SHROOM3: variants seen among roughly 807,000 people sequenced by gnomAD.
SHROOM3 encodes the protein protein Shroom3.
In SHROOM3, 47 loss-of-function variants were observed where a neutral mutation model predicts 138.6. That is an observed-to-expected ratio of 0.34 (90% confidence interval 0.27 to 0.43). SHROOM3 has a LOEUF of 0.43. Among genes scored for constraint, SHROOM3 ranks in the 20% least tolerant of loss-of-function variants. The pLI is 1.00. For missense variants in SHROOM3, 2,491 were observed against 2,596.5 expected (o/e 0.96, Z 0.88); for synonymous variants, 1,062 against 1,063.3 (o/e 1.00, Z 0.02).
rs552658858 is a variant in SHROOM3, at chr4:76,703,489, A to G, written c.324-6667A>G. 5.3e-5 allele frequency among the ~76,000 whole-genome samples: 8 copies of G among 152,302 alleles called. No individual in the cohort carries two copies. The South Asian group carries it at 1.5e-3, about 28-fold the overall frequency. On this transcript the variant is annotated intron_variant, in intron 2 of 10. Transcript: ENST00000296043. ...AGTTATCAGAAAATGAAGAGCACCTATGTTTGGCTAAGAACAGAAATCTGT... is the reference window on the plus strand; with the variant it reads ...AGTTATCAGAAAATGAAGAGCACCTGTGTTTGGCTAAGAACAGAAATCTGT...
chr4:76,700,063 A>G (rs1577981921), intron 2 of SHROOM3, among the ~76,000 whole-genome samples: 1 of 152,210 alleles, frequency 6.6e-6, no homozygotes, highest in South Asian at 2.1e-4. Flanking sequence ...GCATATTTTT[A>G]TTAACCAAAT....
At chr4:76,517,846 C>A (rs950610429) in intron 1 of SHROOM3, among the ~76,000 whole-genome samples, 14 of 152,242 alleles carry the variant, frequency 9.2e-5, no homozygotes, top group African/African-American at 3.1e-4. Flanking sequence ...AGCTTCCCAG[C>A]CATTCCCCGT....
chr4:76,637,677 A>T (rs1735537727), intron 2 of SHROOM3: 1 of 152,218 alleles, frequency 6.6e-6, no homozygotes, highest in South Asian at 2.1e-4. Flanking sequence ...TTCTACCCAG[A>T]ATGGCAACTC....
At chr4:76,763,901 TACA>T (rs1490093146) in intron 9 of SHROOM3, among the ~76,000 whole-genome samples, 1 of 152,196 alleles carries the variant, frequency 6.6e-6, no homozygotes, top group Non-Finnish European at 1.5e-5. Context: ...CTTCCTGAAA[TACA>T]ACAAGCTTTT....
intron 2 of SHROOM3, among the ~76,000 whole-genome samples, chr4:76,579,194 C>T (rs111680042): frequency 4.6e-5 from 7 of 151,876 alleles, no homozygotes; most frequent in Non-Finnish European, 5.9e-5. Flanking sequence ...ACAGGCTGGG[C>T]GTGGTGGCTC....
intron 2 of SHROOM3, among the ~76,000 whole-genome samples, chr4:76,597,864 C>T (rs1250858269): frequency 6.6e-6 from 1 of 152,140 alleles, no homozygotes; most frequent in Admixed American, 6.5e-5. Flanking sequence ...AAGGCTAAGA[C>T]AGCAAGAGTC....
chr4:76,437,139 A>G (rs1730579364), intron 1 of SHROOM3, among the ~76,000 whole-genome samples: 1 of 152,212 alleles, frequency 6.6e-6, no homozygotes, highest in African/African-American at 2.4e-5. Context: ...TTTTCAAATT[A>G]CTGAAGTAAT....
intron 3 of SHROOM3, among the ~76,000 whole-genome samples, chr4:76,722,672 C>A (rs908256048): frequency 6.6e-6 from 1 of 151,470 alleles, no homozygotes; most frequent in Non-Finnish European, 1.5e-5. Flanking sequence ...AAAAAAAAAA[C>A]CAGTGCTTTA....
intron 2 of SHROOM3, among the ~76,000 whole-genome samples, chr4:76,636,259 A>C (rs562042981): frequency 6.6e-6 from 1 of 152,344 alleles, no homozygotes; most frequent in African/African-American, 2.4e-5. Flanking sequence ...AGAAACACCC[A>C]GCTATTTTAA....
At chr4:76,467,637 G>C (rs1478567753) in intron 1 of SHROOM3, among the ~76,000 whole-genome samples, 6 of 152,180 alleles carry the variant, frequency 3.9e-5, no homozygotes, top group Admixed American at 3.9e-4. Context: ...ACCAGAGTCT[G>C]AGAGCCCCTT....
chr4:76,489,844 T>A (rs1319215661), intron 1 of SHROOM3, among the ~76,000 whole-genome samples: 1 of 152,156 alleles, frequency 6.6e-6, no homozygotes, highest in East Asian at 1.9e-4. Flanking sequence ...GTTGTCCAGG[T>A]TCTTGGTGTT....
rs969836866 is a variant in SHROOM3, at chr4:76,435,990, G to A, written c.-63G>A. The A allele has an allele frequency of 8.9e-6, 14 of 1,577,702 alleles. No homozygotes were observed. Among genetic ancestry groups the A allele is most frequent in the Non-Finnish European group, 1.2e-5 (14 of 1,150,534 alleles). On this transcript the variant is annotated 5_prime_UTR_variant, in exon 1 of 11. Transcript: ENST00000296043. ...GGATGGGACAACTTGTGCTGTAGAA[G>A]CACTGCTTGCCTGAGTTTGCTTCAG...
intron 2 of SHROOM3, chr4:76,639,455 T>C (rs1735598602): frequency 2.5e-6 from 1 of 396,682 alleles, no homozygotes. Flanking sequence ...TTCTATTGTT[T>C]TTATAACCAG....
At chr4:76,440,310 A>G (rs1730643710) in intron 1 of SHROOM3, among the ~76,000 whole-genome samples, 1 of 152,178 alleles carries the variant, frequency 6.6e-6, no homozygotes, top group Non-Finnish European at 1.5e-5. Flanking sequence ...TGAAGCTCTC[A>G]TAGCTACTAA....
intron 2 of SHROOM3, among the ~76,000 whole-genome samples, chr4:76,698,639 A>G (rs1577980969): frequency 6.6e-6 from 1 of 152,128 alleles, no homozygotes; most frequent in East Asian, 1.9e-4. Context: ...GGAAGGACTC[A>G]GGGGCTGAAA....
chr4:76,617,444 A>T (rs1307211328), intron 2 of SHROOM3, among the ~76,000 whole-genome samples: 1 of 152,264 alleles, frequency 6.6e-6, no homozygotes, highest in Admixed American at 6.5e-5. Context: ...TAATGCTTTA[A>T]CTGAATATTT....
At chr4:76,749,711 GA>G (rs1230969175) in intron 6 of SHROOM3, among the ~76,000 whole-genome samples, 1 of 152,214 alleles carries the variant, frequency 6.6e-6, no homozygotes, top group Non-Finnish European at 1.5e-5. Flanking sequence ...GAAAACAGAG[GA>G]AAGTCGTTTT....
chr4:76,592,174 G>A (rs750726184), intron 2 of SHROOM3, among the ~76,000 whole-genome samples: 5 of 152,196 alleles, frequency 3.3e-5, no homozygotes, highest in South Asian at 2.1e-4. Context: ...AGAGAGAAGA[G>A]CATATGCAAA....
At chr4:76,510,939 G>T (rs968355502) in intron 1 of SHROOM3, among the ~76,000 whole-genome samples, 1 of 152,130 alleles carries the variant, frequency 6.6e-6, no homozygotes, top group Non-Finnish European at 1.5e-5. Context: ...CCAGCACTTT[G>T]GGAGGCCGAG....
Sources: allele counts gnomAD v4.1 joint callset (sites outside exome capture counted in the v4.1 genomes callset), GRCh38; gene constraint gnomAD v4.1.1; transcripts MANE v1.5; gene names NCBI Gene and HGNC (gene_info 2026-07-23, HGNC 2026-07-21).